KCNMA1: variants seen among roughly 807,000 people sequenced by gnomAD.
KCNMA1 encodes potassium calcium-activated channel subfamily M alpha 1, also known as Calcium-activated potassium channel subunit alpha-1.
In KCNMA1, 29 loss-of-function variants were observed where a neutral mutation model predicts 140.0. That is an observed-to-expected ratio of 0.21 (90% CI 0.15 to 0.28). The LOEUF (loss-of-function observed/expected upper bound fraction) is 0.28, where lower values mean the gene tolerates loss of function less well. Among genes scored for constraint, KCNMA1 ranks in the 10% least tolerant of loss-of-function variants. The pLI is 1.00. For synonymous variants in KCNMA1, 612 were observed against 611.9 expected, an observed-to-expected ratio of 1.00 and a Z score of 0.00; for missense variants, 880 against 1,602.2, an observed-to-expected ratio of 0.55 and a Z score of 7.70.
intron 2 of KCNMA1, among the ~76,000 whole-genome samples, chr10:77,313,018 GAAC>G (rs2079760204): frequency 1.3e-5 from 2 of 152,160 alleles, no homozygotes; most frequent in African/African-American, 4.8e-5. Context: ...GTTCAGGGAG[GAAC>G]AACAACAAAT....
intron 9 of KCNMA1, among the ~76,000 whole-genome samples, chr10:77,093,584 T>G (rs1207819799): frequency 2.0e-5 from 3 of 152,214 alleles, no homozygotes; most frequent in African/African-American, 7.2e-5. Flanking sequence ...AGGAGGGCCC[T>G]GCAAGAGCAT....
At chr10:76,926,461 T>C (rs79900397) in intron 23 of KCNMA1, among the ~76,000 whole-genome samples, 7,483 of 152,208 alleles carry the variant, frequency 0.049, 567 homozygotes, top group African/African-American at 0.16. Flanking sequence ...ACTTCATCAG[T>C]ACTAACTTAC....
At chr10:77,546,103 A>T (rs2061408881) in intron 1 of KCNMA1, among the ~76,000 whole-genome samples, 2 of 152,230 alleles carry the variant, frequency 1.3e-5, no homozygotes, top group Non-Finnish European at 2.9e-5. Context: ...AGGAACCTCC[A>T]CAGGGAGTCA....
At chr10:77,147,370 T>C (rs1429459668) in intron 5 of KCNMA1, among the ~76,000 whole-genome samples, 1 of 152,166 alleles carries the variant, frequency 6.6e-6, no homozygotes. Context: ...GTTTGACTAT[T>C]CCAAAGAATC....
intron 1 of KCNMA1, among the ~76,000 whole-genome samples, chr10:77,477,140 G>C (rs2098296333): frequency 1.3e-5 from 2 of 152,214 alleles, no homozygotes; most frequent in South Asian, 4.1e-4. Flanking sequence ...GTGCCATGGA[G>C]ATAATACCAA....
Position 77,001,403 on chromosome 10 carries a change from T to G in KCNMA1, c.2266+4A>C. On this transcript the variant is annotated splice_donor_region_variant and intron_variant, in intron 19 of 27. Transcript: ENST00000286628. ...GGAACTACGTGTGTTGAGGTTAAAC[T>G]TACAGGCACGGAAACTGGTGGAGCA... is the stretch of plus-strand genomic sequence containing the variant. The G allele has an allele frequency of 6.4e-7, 1 of 1,551,398 alleles. No homozygotes were observed. The highest frequency in any genetic ancestry group is 8.7e-7 in the Non-Finnish European group (1 of 1,146,758).
chr10:77,508,465 G>A (rs994222546), intron 1 of KCNMA1, among the ~76,000 whole-genome samples: 4 of 151,526 alleles, frequency 2.6e-5, no homozygotes, highest in Non-Finnish European at 2.9e-5. Flanking sequence ...GATTAGAGGC[G>A]CGAGTCCCCC....
At chr10:77,115,661 G>T (rs1004991000) in intron 6 of KCNMA1, among the ~76,000 whole-genome samples, 1 of 152,182 alleles carries the variant, frequency 6.6e-6, no homozygotes, top group African/African-American at 2.4e-5. Context: ...TTGGAAAAAT[G>T]ACCTAAATAT....
chr10:76,912,454 G>C lies in KCNMA1; in HGVS notation c.3017-2358C>G, dbSNP rs370069778. On this transcript the variant is annotated intron_variant, in intron 24 of 27. Transcript: ENST00000286628. ...CATCTCAGAACATGTAGATAAATAA[G>C]AAGTATTTGTGGGGGATGTGGGAGG... 5.3e-4 allele frequency: 81 copies of C among 152,360 alleles called. 3 individuals carry two copies. The highest frequency in any genetic ancestry group is 1.9e-3 in the African/African-American group (80 of 41,564). The allele number at this position is 152,360 out of a possible 1,614,324, so 9.4% of individuals were successfully genotyped here.
At chr10:77,171,862 T>A (rs2247880) in intron 5 of KCNMA1, among the ~76,000 whole-genome samples, 138,883 of 152,246 alleles carry the variant, frequency 0.91, 63,471 homozygotes, top group African/African-American at 0.97. Context: ...CCTGAAATCT[T>A]CTTTGGGCTG....
intron 2 of KCNMA1, among the ~76,000 whole-genome samples, chr10:77,386,155 A>G (rs2095595709): frequency 6.6e-6 from 1 of 152,224 alleles, no homozygotes; most frequent in African/African-American, 2.4e-5. Context: ...CAAAGGAAAC[A>G]TGGGGTCATC....
chr10:77,635,847 A>G (rs1161422501), intron 1 of KCNMA1: 1 of 153,270 alleles, frequency 6.5e-6, no homozygotes, highest in Non-Finnish European at 1.5e-5. Context: ...CCAAAACACA[A>G]ATGTGCTGCC....
intron 7 of KCNMA1, 118 bp from the exon 8 acceptor site, chr10:77,110,461 C>T (rs2097293802): frequency 2.3e-6 from 2 of 861,186 alleles, no homozygotes; most frequent in Non-Finnish European, 4.0e-6. Context: ...CCACTCTCCA[C>T]ACGAGATGTG....
At chr10:77,500,723 AGAG>A (rs1261473992) in intron 1 of KCNMA1, among the ~76,000 whole-genome samples, 1 of 152,224 alleles carries the variant, frequency 6.6e-6, no homozygotes, top group Non-Finnish European at 1.5e-5. Flanking sequence ...CAGTAGCAGT[AGAG>A]GAGTTTACTG....
chr10:77,191,510 T>C (rs2098938113), intron 3 of KCNMA1, among the ~76,000 whole-genome samples: 1 of 152,194 alleles, frequency 6.6e-6, no homozygotes, highest in Non-Finnish European at 1.5e-5. Context: ...TTTATCTTTC[T>C]AATATCGATT....
In KCNMA1 at chr10:77,288,064, T is replaced by C. The variant is rs557755494; in HGVS notation, c.541-36808A>G. Among the ~76,000 whole-genome samples, 23 of 152,324 alleles carry C rather than the reference T, an allele frequency of 1.5e-4. No individual in the cohort carries two copies. The South Asian group carries it at 4.4e-3, about 29-fold the overall frequency. On this transcript the variant is annotated intron_variant, in intron 2 of 27. Transcript: ENST00000286628. The stretch of plus-strand genomic sequence containing the variant: ...CCTACGCATGCATTCCAGTTAACTA[T>C]GGACTTCCCCTCATACATGCATGGA...
At chr10:77,282,997 C>A (rs570285701) in intron 2 of KCNMA1, among the ~76,000 whole-genome samples, 256 of 152,328 alleles carry the variant, frequency 1.7e-3, no homozygotes, top group Non-Finnish European at 2.9e-3. Context: ...ACTTTTGAGT[C>A]AGACCAGTGA....
At chr10:76,900,817 A>G (rs1258263816) in intron 25 of KCNMA1, among the ~76,000 whole-genome samples, 1 of 152,024 alleles carries the variant, frequency 6.6e-6, no homozygotes, top group Admixed American at 6.6e-5. Context: ...CAGTATGACG[A>G]GAGTGTGGAT....
intron 14 of KCNMA1, among the ~76,000 whole-genome samples, chr10:77,051,642 C>G (rs1289758207): frequency 6.6e-6 from 1 of 152,134 alleles, no homozygotes; most frequent in Non-Finnish European, 1.5e-5. Context: ...AGCAGTTTTC[C>G]TTTGAGGAGG....
Sources: gnomAD v4.1 joint callset for allele counts (sites outside exome capture counted in the v4.1 genomes callset) on GRCh38, gnomAD v4.1.1 for gene constraint, MANE v1.5 for transcripts, NCBI Gene and HGNC (gene_info 2026-07-23, HGNC 2026-07-21) for gene names.